The following GNG7 variants were observed in gnomAD, a reference collection of about 807,000 sequenced individuals.
GNG7 encodes the protein G protein subunit gamma 7, also known as guanine nucleotide-binding protein G(I)/G(S)/G(O) subunit gamma-7.
Under a neutral mutation model 4.0 loss-of-function variants are expected in GNG7, and 1 was observed. The observed-to-expected ratio is 0.25, with a 90% confidence interval of 0.09 to 1.18. The LOEUF (loss-of-function observed/expected upper bound fraction) is 1.18. GNG7 is among the 50% of genes most tolerant of loss of function. The pLI is 0.50. For missense variants in GNG7, 86 were observed against 91.9 expected, an observed-to-expected ratio of 0.94 and a Z score of 0.26; for synonymous variants, 34 against 36.9, an observed-to-expected ratio of 0.92 and a Z score of 0.29.
At chr19:2,685,792 G>T (rs540286332) in intron 1 of GNG7, among the ~76,000 whole-genome samples, 1 of 152,154 alleles carries the variant, frequency 6.6e-6, no homozygotes, top group African/African-American at 2.4e-5. Context: ...CGAGACGAGG[G>T]CCTGGTGGGC....
chr19:2,653,646 G>T lies in GNG7; in HGVS notation c.-134-7366C>A, dbSNP rs547523534. ...GTGGGGCTGTCCTGGGCACTGCGGG[G>T]AGCTGAGCAGCGTCCCTGGCCTCCA... On this transcript the variant is annotated intron_variant, in intron 1 of 4. Transcript: ENST00000382159. This position sits in a 1 kb window ranked among gnomAD's most constrained non-coding sequence, Gnocchi z 4.8. Among the ~76,000 whole-genome samples, 1 of 152,324 alleles carries T rather than the reference G, an allele frequency of 6.6e-6. No individual in the cohort carries two copies. Among genetic ancestry groups the T allele is most frequent in the East Asian group, 1.9e-4 (1 of 5,190 alleles).
chr19:2,644,339 AT>A (rs1568272520), intron 2 of GNG7, among the ~76,000 whole-genome samples: 4 of 8,862 alleles, frequency 4.5e-4, no homozygotes, highest in Non-Finnish European at 2.3e-4. Flanking sequence ...ATATATATAT[AT>A]ATATATATAT....
intron 2 of GNG7, among the ~76,000 whole-genome samples, chr19:2,594,616 G>A (rs539147772): frequency 8.6e-5 from 13 of 152,030 alleles, no homozygotes; most frequent in Admixed American, 6.6e-4. Flanking sequence ...GCTTTGCACG[G>A]GTATTTCACA....
chr19:2,536,529 C>T (rs369106613), intron 3 of GNG7, among the ~76,000 whole-genome samples: 13 of 152,254 alleles, frequency 8.5e-5, no homozygotes, highest in East Asian at 5.8e-4. Context: ...TTAAAACAAT[C>T]GATGTTTTGT....
intron 2 of GNG7, among the ~76,000 whole-genome samples, chr19:2,584,304 A>AAAAG (rs1980582199): frequency 6.7e-6 from 1 of 148,294 alleles, no homozygotes; most frequent in Non-Finnish European, 1.5e-5. Context: ...AAAAAAAAAA[A>AAAAG]GCGATGGCAC....
rs149279468 is a variant in GNG7 at position 2,632,378 on chromosome 19, G to A, written c.-78+13846C>T. Among the ~76,000 whole-genome samples, 268 of 150,158 alleles carry A rather than the reference G, an allele frequency of 1.8e-3. 1 individual carries two copies. The highest frequency in any genetic ancestry group is 6.2e-3 in the African/African-American group (254 of 40,832). ...CGGGAGGTGGAGGTTGCAGTGAGCCGAGATTATGCTATTGCATTCTAGCCT... is the reference window on the plus strand; with the variant it reads ...CGGGAGGTGGAGGTTGCAGTGAGCCAAGATTATGCTATTGCATTCTAGCCT... On this transcript the variant is annotated intron_variant, in intron 2 of 4. Transcript: ENST00000382159.
At chr19:2,665,023 C>G (rs1983270126) in intron 1 of GNG7, among the ~76,000 whole-genome samples, 1 of 151,904 alleles carries the variant, frequency 6.6e-6, no homozygotes, top group Non-Finnish European at 1.5e-5. Context: ...CTGCTGAGGT[C>G]CCAGGAGGCT....
chr19:2,596,974 A>G (rs886704184), intron 2 of GNG7, among the ~76,000 whole-genome samples: 3 of 151,882 alleles, frequency 2.0e-5, no homozygotes, highest in African/African-American at 7.3e-5. Flanking sequence ...TTTCACAGGT[A>G]TAGGCTGGGC....
intron 3 of GNG7, among the ~76,000 whole-genome samples, chr19:2,522,211 C>T (rs1199404440): frequency 1.3e-5 from 2 of 152,124 alleles, no homozygotes; most frequent in East Asian, 1.9e-4. Flanking sequence ...AACGATCCAG[C>T]CCCACGTGTC....
chr19:2,688,754 T>C (rs1319167119), intron 1 of GNG7, among the ~76,000 whole-genome samples: 1 of 151,890 alleles, frequency 6.6e-6, no homozygotes, highest in Non-Finnish European at 1.5e-5. Flanking sequence ...TTGAATAAAG[T>C]GTGGAGTTGA....
At chr19:2,545,188 C>T (rs35429067) in intron 3 of GNG7, among the ~76,000 whole-genome samples, 1 of 148,866 alleles carries the variant, frequency 6.7e-6, no homozygotes, top group African/African-American at 2.5e-5. Flanking sequence ...CGCTGTCTGG[C>T]GACATCTGTG....
In GNG7 at chr19:2,512,477, A is replaced by C. The variant is rs114459094; in HGVS notation, c.*2545T>G. The C allele has an allele frequency of 2.6e-3, 1,457 of 570,080 alleles. 25 individuals are homozygous for C. The African/African-American group carries it at 0.027, about 11-fold the overall frequency. The allele number at this position is 570,080 out of a possible 1,614,324, so 35.3% of individuals were successfully genotyped here. On this transcript the variant is annotated 3_prime_UTR_variant, in exon 5 of 5. Transcript: ENST00000382159. The surrounding 1 kb of genome is among the most constrained non-coding windows in gnomAD (Gnocchi z 4.7). ...GGGGTCTGGACAGCTCAGGGAACCC[A>C]AGGCCCTGTGGACAGTGAAGGAGAG...
chr19:2,565,298 T>A (rs1013872340), intron 2 of GNG7, among the ~76,000 whole-genome samples: 1 of 151,646 alleles, frequency 6.6e-6, no homozygotes, highest in African/African-American at 2.4e-5. Flanking sequence ...GATCATGAGG[T>A]CAGGAGATCG....
chr19:2,568,719 CACAT>C lies in GNG7; in HGVS notation c.-77-13535_-77-13532del, dbSNP rs1252762829. 3.7e-5 allele frequency among the ~76,000 whole-genome samples: 5 copies of C among 133,618 alleles called. No individual in the cohort carries two copies. The East Asian group carries it at 8.2e-4, about 22-fold the overall frequency. 87.7% of individuals were successfully genotyped at this position (133,618 alleles called of 152,430 possible). ...TACATAAAATATAGACACACATATA[CACAT>C]ACAGACACATATACATACATACACA... On this transcript the variant is annotated intron_variant, in intron 2 of 4. Coordinates refer to ENST00000382159, the MANE Select transcript of GNG7 (RefSeq NM_052847.3).
intron 1 of GNG7, among the ~76,000 whole-genome samples, chr19:2,665,058 A>C (rs1456835167): frequency 6.6e-6 from 1 of 151,574 alleles, no homozygotes; most frequent in Non-Finnish European, 1.5e-5. Context: ...CCACACCTTT[A>C]GTTGGGGGGA....
chr19:2,608,406 G>A (rs1044539677), intron 2 of GNG7, among the ~76,000 whole-genome samples: 28 of 152,030 alleles, frequency 1.8e-4, no homozygotes, highest in African/African-American at 6.5e-4. Flanking sequence ...GACAGAGATC[G>A]TCTCTGGAGG....
chr19:2,696,002 T>TAA (rs1023350397), intron 1 of GNG7, among the ~76,000 whole-genome samples: 2 of 151,700 alleles, frequency 1.3e-5, no homozygotes, highest in East Asian at 3.9e-4. Context: ...CTACTAAACA[T>TAA]AAAAATTATC....
chr19:2,550,969 G>A (rs1979298790), intron 3 of GNG7, among the ~76,000 whole-genome samples: 1 of 152,226 alleles, frequency 6.6e-6, no homozygotes, highest in South Asian at 2.1e-4. Flanking sequence ...GACGAGAGCT[G>A]CCTGATGTCA....
chr19:2,556,289 C>T (rs1434692515), intron 2 of GNG7, among the ~76,000 whole-genome samples: 5 of 152,202 alleles, frequency 3.3e-5, no homozygotes, highest in Admixed American at 2.6e-4. Flanking sequence ...CCTAGCGGGG[C>T]TCACCCTGCA....
Sources: allele counts gnomAD v4.1 joint callset (sites outside exome capture counted in the v4.1 genomes callset), GRCh38; gene constraint gnomAD v4.1.1; non-coding constraint Gnocchi (gnomAD v3.1); transcripts MANE v1.5; gene names NCBI Gene and HGNC (gene_info 2026-07-23, HGNC 2026-07-21).